Variants in NINJ2 observed in about 807,000 individuals in gnomAD.
NINJ2 encodes the protein ninjurin-2.
Under a neutral mutation model 11.7 loss-of-function variants are expected in NINJ2, and 12 were observed. The observed-to-expected ratio is 1.02, with a 90% CI of 0.66 to 1.66. The LOEUF (loss-of-function observed/expected upper bound fraction) is 1.66. NINJ2 is among the 40% of genes most tolerant of loss of function. The pLI, the probability that NINJ2 is intolerant of heterozygous loss-of-function variation, is 0.00. For missense variants in NINJ2, 187 were observed against 181.8 expected (o/e 1.03, Z -0.16); for synonymous variants, 93 against 76.8 (o/e 1.21, Z -1.10).
intron 1 of NINJ2, among the ~76,000 whole-genome samples, chr12:572,256 A>G (rs978491368): frequency 7.9e-5 from 12 of 152,196 alleles, no homozygotes; most frequent in African/African-American, 2.7e-4. Flanking sequence ...TGACCTTCCC[A>G]TGAGTCGTTC....
intron 1 of NINJ2, among the ~76,000 whole-genome samples, chr12:568,477 A>G (rs1448804282): frequency 6.6e-6 from 1 of 152,186 alleles, no homozygotes; most frequent in African/African-American, 2.4e-5. Context: ...ACACACAGAC[A>G]CATTCAAGAG....
intron 1 of NINJ2, among the ~76,000 whole-genome samples, chr12:636,813 C>T (rs898024519): frequency 3.3e-5 from 5 of 152,178 alleles, no homozygotes; most frequent in Non-Finnish European, 5.9e-5. Flanking sequence ...ATGCAGCCAG[C>T]AGCCACTGTG....
intron 1 of NINJ2, among the ~76,000 whole-genome samples, chr12:634,462 T>C (rs1020366070): frequency 2.6e-5 from 4 of 152,028 alleles, no homozygotes; most frequent in African/African-American, 9.7e-5. Context: ...AATTTCACCA[T>C]GTTGGCCAGA....
intron 1 of NINJ2, among the ~76,000 whole-genome samples, chr12:649,219 G>T (rs1210919759): frequency 6.6e-6 from 1 of 151,862 alleles, no homozygotes; most frequent in African/African-American, 2.4e-5. Flanking sequence ...GCTAATTTTT[G>T]TATTTTTAGT....
intron 1 of NINJ2, among the ~76,000 whole-genome samples, chr12:631,972 AAAGGCATGC>A (rs760942736): frequency 1.6e-4 from 24 of 152,276 alleles, no homozygotes; most frequent in Admixed American, 3.9e-4. Flanking sequence ...ATTATTCCAG[AAAGGCATGC>A]AGATGAGAAG....
At chr12:588,062 T>C (rs1947665240) in intron 1 of NINJ2, among the ~76,000 whole-genome samples, 1 of 151,894 alleles carries the variant, frequency 6.6e-6, no homozygotes, top group African/African-American at 2.4e-5. Flanking sequence ...GTATCATCCT[T>C]CCACTATGTA....
intron 1 of NINJ2, among the ~76,000 whole-genome samples, chr12:605,613 G>A (rs949569528): frequency 8.5e-5 from 13 of 152,176 alleles, no homozygotes; most frequent in African/African-American, 3.1e-4. Flanking sequence ...ACTGACATCT[G>A]GAGTCCACTC....
rs780885483 is a variant in NINJ2, at chr12:565,973, A to G, written c.239T>C (p.Ile80Thr). ...ACCAATGACCACGAGCAGGACACCG[A>G]TGACCACCTGCAGGAGCAGAGAGAG... is the stretch of plus-strand genomic sequence containing the variant. ...ISLSLLLQVV[I>T]GVLLVVIARL... The change falls in exon 2 of 4, where the codon ATC (isoleucine) becomes ACC (threonine). Residue 80 changes from isoleucine (I) to threonine (T), a missense_variant. By Grantham distance (89) the Ile-to-Thr change is moderately conservative (BLOSUM62 -1). Coordinates refer to ENST00000305108, the MANE Select transcript of NINJ2 (RefSeq NM_016533.6). 3 of 1,614,214 alleles carry G rather than the reference A, an allele frequency of 1.9e-6. No individual in the cohort carries two copies. The highest frequency in any genetic ancestry group is 1.7e-5 in the Admixed American group (1 of 60,030).
At chr12:590,559 G>A (rs918539994) in intron 1 of NINJ2, 1 of 152,350 alleles carries the variant, frequency 6.6e-6, no homozygotes, top group African/African-American at 2.4e-5. Context: ...AGGGGCACCT[G>A]CGGGAACCTG....
intron 1 of NINJ2, among the ~76,000 whole-genome samples, chr12:615,432 T>TA (rs1380179173): frequency 1.3e-5 from 2 of 151,926 alleles, no homozygotes; most frequent in African/African-American, 4.8e-5. Flanking sequence ...CTACCAAAAA[T>TA]AAAAAATTAG....
At chr12:606,829 C>G (rs75480162) in intron 1 of NINJ2, among the ~76,000 whole-genome samples, 1 of 152,090 alleles carries the variant, frequency 6.6e-6, no homozygotes, top group Non-Finnish European at 1.5e-5. Context: ...GACTGTGGGC[C>G]GAGTTGCTTT....
At chr12:656,486 C>T (rs1286369630) in intron 1 of NINJ2, among the ~76,000 whole-genome samples, 1 of 151,878 alleles carries the variant, frequency 6.6e-6, no homozygotes, top group Non-Finnish European at 1.5e-5. Context: ...CATGGTGGCT[C>T]ACACCTGTAA....
chr12:662,977 TAA>T (rs1370046912), intron 1 of NINJ2, among the ~76,000 whole-genome samples: 1 of 89,744 alleles, frequency 1.1e-5, no homozygotes, highest in African/African-American at 3.9e-5. Flanking sequence ...CCGGCAGCTC[TAA>T]GAGAAGTCTC....
intron 1 of NINJ2, among the ~76,000 whole-genome samples, chr12:647,910 C>T (rs921338899): frequency 3.9e-5 from 6 of 152,122 alleles, no homozygotes; most frequent in South Asian, 2.1e-4. Flanking sequence ...CCTGCCCTGC[C>T]GCTTCCAGGC....
chr12:575,986 A>T (rs1233311604), intron 1 of NINJ2, among the ~76,000 whole-genome samples: 4 of 152,214 alleles, frequency 2.6e-5, no homozygotes, highest in Non-Finnish European at 5.9e-5. Flanking sequence ...CAGACCCCTG[A>T]GGCCTTCTGT....
At chr12:643,405 C>T (rs1937624696) in intron 1 of NINJ2, 1 of 980,264 alleles carries the variant, frequency 1.0e-6, no homozygotes, top group African/African-American at 1.7e-5. Flanking sequence ...GTCGCGCCAG[C>T]CCTCGGGCCT....
At position 614,279 on chromosome 12, in the gene NINJ2, A is replaced by G. The variant is rs1044024268; in HGVS notation, c.34-48101T>C. ...CTAATCCCACTGTGGTTTATACCTC[A>G]TGACTTCTTGCATTCGGCTGAATAT... On this transcript the variant is annotated intron_variant, in intron 1 of 3. Coordinates refer to ENST00000305108, the MANE Select transcript of NINJ2 (RefSeq NM_016533.6). This position sits in a 1 kb window ranked among gnomAD's most constrained non-coding sequence, Gnocchi z 5.1. Among the ~76,000 whole-genome samples the G allele has an allele frequency of 1.3e-5, 2 of 152,186 alleles. No homozygotes were observed. The highest frequency in any genetic ancestry group is 4.8e-5 in the African/African-American group (2 of 41,440).
At chr12:620,412 T>C (rs560497263) in intron 1 of NINJ2, among the ~76,000 whole-genome samples, 59 of 152,348 alleles carry the variant, frequency 3.9e-4, no homozygotes, top group African/African-American at 1.3e-3. Flanking sequence ...ACAGCAAACA[T>C]TGCCTAGAGA....
rs1948064053 is a variant in NINJ2, at chr12:614,009, C to T, written c.34-47831G>A. On this transcript the variant is annotated intron_variant, in intron 1 of 3. Coordinates refer to ENST00000305108, the MANE Select transcript of NINJ2 (RefSeq NM_016533.6). This position sits in a 1 kb window ranked among gnomAD's most constrained non-coding sequence, Gnocchi z 5.1. ...ATGGTACCTCCACCATGTGCCAGGC[C>T]CCACACTGGCATTTTCTTTCCAGGT... Among the ~76,000 whole-genome samples, 2 of 152,130 alleles carry T rather than the reference C, an allele frequency of 1.3e-5. No individual in the cohort carries two copies. The highest frequency in any genetic ancestry group is 6.5e-5 in the Admixed American group (1 of 15,278).
Sources: gnomAD v4.1 joint callset for allele counts (sites outside exome capture counted in the v4.1 genomes callset) on GRCh38, gnomAD v4.1.1 for gene constraint, Gnocchi (gnomAD v3.1) non-coding constraint, MANE v1.5 for transcripts, NCBI Gene and HGNC (gene_info 2026-07-23, HGNC 2026-07-21) for gene names.